MICU1: variants seen among roughly 807,000 people sequenced by gnomAD.
MICU1 encodes the protein calcium uptake protein 1, mitochondrial.
MICU1 carries 45 observed loss-of-function variants against 56.8 expected under a neutral mutation model. The ratio of observed to expected loss-of-function variants is 0.79; its 90% CI spans 0.62 to 1.02. The LOEUF is 1.02. Ranked by LOEUF, MICU1 falls within the 50% of genes least tolerant of loss-of-function variation. The pLI is 0.00. For missense variants in MICU1, 504 were observed against 587.1 expected (o/e 0.86, Z 1.46); for synonymous variants, 186 against 195.1 (o/e 0.95, Z 0.39).
At position 72,474,112 on chromosome 10, in the gene MICU1, C is replaced by T. The variant is rs185155611; in HGVS notation, c.933+988G>A. Among the ~76,000 whole-genome samples the T allele has an allele frequency of 1.3e-3, 195 of 151,412 alleles. 1 individual carries two copies. The highest frequency in any genetic ancestry group is 4.5e-3 in the African/African-American group (185 of 41,290). On this transcript the variant is annotated intron_variant, in intron 8 of 11. Coordinates refer to ENST00000361114, the MANE Select transcript of MICU1 (RefSeq NM_001195518.2). ...TCTCTAATAAAAATACAAAATTAGC[C>T]GGGTGTGGTGGCACATGCCTGTAAT...
intron 8 of MICU1, among the ~76,000 whole-genome samples, chr10:72,451,307 G>C (rs966400931): frequency 6.6e-6 from 1 of 152,184 alleles, no homozygotes; most frequent in Non-Finnish European, 1.5e-5. Context: ...ACAGGTGTGA[G>C]CCACCATGCC....
At chr10:72,524,136 T>G in intron 5 of MICU1, 1 of 316,728 alleles carries the variant, frequency 3.2e-6, no homozygotes, top group Non-Finnish European at 4.6e-6. Context: ...TTTGTTTTTG[T>G]TTTAGAGACA....
At chr10:72,436,401 A>G (rs1020999372) in intron 8 of MICU1, among the ~76,000 whole-genome samples, 1 of 152,232 alleles carries the variant, frequency 6.6e-6, no homozygotes, top group Non-Finnish European at 1.5e-5. Flanking sequence ...CCAAAACTCC[A>G]TCTGTAGATC....
intron 1 of MICU1, among the ~76,000 whole-genome samples, chr10:72,592,433 AT>A (rs1375503025): frequency 3.9e-5 from 6 of 152,172 alleles, no homozygotes; most frequent in African/African-American, 1.4e-4. Context: ...TACTAAGAAC[AT>A]TTCCACAAGA....
At chr10:72,567,796 A>G in intron 1 of MICU1, among the ~76,000 whole-genome samples, 1 of 152,196 alleles carries the variant, frequency 6.6e-6, no homozygotes. Context: ...CAAAGGGCAC[A>G]CTAGACTCAG....
intron 1 of MICU1, among the ~76,000 whole-genome samples, chr10:72,607,110 G>A (rs1293153232): frequency 6.6e-6 from 1 of 152,108 alleles, no homozygotes; most frequent in East Asian, 1.9e-4. Flanking sequence ...GGAGGCCAAG[G>A]TGGGTGGCTC....
intron 1 of MICU1, among the ~76,000 whole-genome samples, chr10:72,571,063 C>T (rs114424977): frequency 0.013 from 2,035 of 152,144 alleles, 59 homozygotes; most frequent in African/African-American, 0.047. Context: ...AAATAACAGC[C>T]AATTCAAAAG....
Position 72,409,355 on chromosome 10 carries a change from AACT to A in MICU1, c.1072-1321_1072-1319del, listed in dbSNP as rs574840321. Among the ~76,000 whole-genome samples the A allele has an allele frequency of 4.6e-5, 7 of 152,318 alleles. No homozygotes were observed. In the East Asian group the frequency reaches 1.3e-3, roughly 29 times the overall value. ...TACAGTTCTTTCCTGGTACTCTCCA[AACT>A]GGGTCAATTGTATGTTTCTCACCTT... is the stretch of plus-strand genomic sequence containing the variant. On this transcript the variant is annotated intron_variant, in intron 9 of 11. Transcript: ENST00000361114.
rs185317956 is a variant in MICU1, at chr10:72,512,637, C to T, written c.538-4368G>A. Among the ~76,000 whole-genome samples the T allele has an allele frequency of 1.2e-3, 187 of 152,120 alleles. 1 individual carries two copies. The highest frequency in any genetic ancestry group is 4.0e-3 in the African/African-American group (168 of 41,508). On this transcript the variant is annotated intron_variant, in intron 5 of 11. Transcript: ENST00000361114. The stretch of plus-strand genomic sequence containing the variant: ...CTGTTGTCAATTCTTTTGGTATGTA[C>T]TAAGGAGAGGAACTGCTGGGTCATA...
intron 11 of MICU1, among the ~76,000 whole-genome samples, chr10:72,374,526 G>A (rs1251056775): frequency 1.3e-5 from 2 of 152,158 alleles, no homozygotes; most frequent in Admixed American, 6.5e-5. Flanking sequence ...GGTCCTATGG[G>A]GGGTAGGAAG....
At chr10:72,567,313 C>T (rs1305316954) in intron 1 of MICU1, among the ~76,000 whole-genome samples, 1 of 151,942 alleles carries the variant, frequency 6.6e-6, no homozygotes, top group Non-Finnish European at 1.5e-5. Context: ...GAGCAAGATG[C>T]TGTCTCAAAA....
chr10:72,469,456 C>A (rs532416872), intron 8 of MICU1, among the ~76,000 whole-genome samples: 1 of 152,106 alleles, frequency 6.6e-6, no homozygotes, highest in Admixed American at 6.6e-5. Context: ...ATATTTCATA[C>A]TCAATGAAAG....
At chr10:72,490,235 G>A (rs1428311851) in intron 6 of MICU1, among the ~76,000 whole-genome samples, 1 of 152,114 alleles carries the variant, frequency 6.6e-6, no homozygotes, top group African/African-American at 2.4e-5. Flanking sequence ...ATGTATGTAT[G>A]TATATGTATG....
At chr10:72,395,205 C>T (rs573949871) in intron 10 of MICU1, among the ~76,000 whole-genome samples, 73 of 151,874 alleles carry the variant, frequency 4.8e-4, no homozygotes, top group Admixed American at 1.4e-3. Context: ...TCAGTAGAGA[C>T]GGGGTTTCAC....
chr10:72,520,201 AAG>A (rs1377250102), intron 5 of MICU1, among the ~76,000 whole-genome samples: 58 of 152,264 alleles, frequency 3.8e-4, no homozygotes, highest in East Asian at 5.8e-4. Context: ...GTTAGAAAGA[AAG>A]AGAAAATTCA....
At chr10:72,472,421 C>T (rs1033262371) in intron 8 of MICU1, among the ~76,000 whole-genome samples, 17 of 152,000 alleles carry the variant, frequency 1.1e-4, no homozygotes, top group African/African-American at 4.1e-4. Flanking sequence ...CCTCTGTATG[C>T]GATGAAGAAA....
chr10:72,609,547 A>G lies in MICU1; in HGVS notation c.-2+16463T>C, dbSNP rs191401856. On this transcript the variant is annotated intron_variant, in intron 1 of 11. Transcript: ENST00000361114. The stretch of plus-strand genomic sequence containing the variant: ...CAGGAGATCGAGACCATCCTGGCTA[A>G]CACGGTGAAACCCCGTCTCTACTAA... Among the ~76,000 whole-genome samples the G allele has an allele frequency of 1.2e-3, 182 of 152,142 alleles. 1 individual carries two copies. The highest frequency in any genetic ancestry group is 3.4e-3 in the Middle Eastern group (1 of 294).
At chr10:72,421,021 ATAAT>A (rs1564857556) in intron 9 of MICU1, among the ~76,000 whole-genome samples, 8 of 143,582 alleles carry the variant, frequency 5.6e-5, no homozygotes, top group East Asian at 4.0e-4. Flanking sequence ...AAAAAAAATA[ATAAT>A]AATAATAATA....
intron 1 of MICU1, among the ~76,000 whole-genome samples, chr10:72,589,610 G>C (rs1160785474): frequency 7.0e-6 from 1 of 143,172 alleles, no homozygotes; most frequent in African/African-American, 2.4e-5. Flanking sequence ...AATGGGGGTG[G>C]GGAATAGCCC....
Sources: gnomAD v4.1 joint callset for allele counts (sites outside exome capture counted in the v4.1 genomes callset) on GRCh38, gnomAD v4.1.1 for gene constraint, MANE v1.5 for transcripts, NCBI Gene and HGNC (gene_info 2026-07-23, HGNC 2026-07-21) for gene names.